Variants in KCNMB2 observed in about 807,000 individuals in gnomAD.
KCNMB2 encodes calcium-activated potassium channel subunit beta-2.
In KCNMB2, 9 loss-of-function variants were observed where a neutral mutation model predicts 24.5. The ratio of observed to expected loss-of-function variants is 0.37; its 90% CI spans 0.22 to 0.64. The LOEUF (loss-of-function observed/expected upper bound fraction) is 0.64, where lower values mean the gene tolerates loss of function less well. Among genes scored for constraint, KCNMB2 ranks in the 30% least tolerant of loss-of-function variants. KCNMB2 has a pLI of 0.63. For synonymous variants in KCNMB2, 109 were observed against 104.4 expected (o/e 1.04, Z -0.27); for missense variants, 226 against 284.3 (o/e 0.79, Z 1.47).
At chr3:178,714,993 C>T (rs1044218642) in intron 1 of KCNMB2, among the ~76,000 whole-genome samples, 1 of 151,944 alleles carries the variant, frequency 6.6e-6, no homozygotes, top group Non-Finnish European at 1.5e-5. Context: ...TTTTATAGCA[C>T]TGAAAAGAAA....
At chr3:178,766,087 T>C (rs534465175) in intron 1 of KCNMB2, among the ~76,000 whole-genome samples, 1 of 152,274 alleles carries the variant, frequency 6.6e-6, no homozygotes, top group Non-Finnish European at 1.5e-5. Context: ...CCAAGTCTCA[T>C]TGAACAAAAA....
intron 1 of KCNMB2, among the ~76,000 whole-genome samples, chr3:178,613,876 A>G (rs577607810): frequency 6.4e-4 from 97 of 151,766 alleles, no homozygotes; most frequent in African/African-American, 2.2e-3. Flanking sequence ...TAGGTTTGGG[A>G]TGTTCTCTGT....
rs1271997563 is a variant in KCNMB2 at position 178,614,317 on chromosome 3, G to GTA, written c.-68+77616_-68+77617dup. Among the ~76,000 whole-genome samples the GTA allele has an allele frequency of 1.9e-3, 194 of 99,690 alleles. 1 individual carries two copies. The highest frequency in any genetic ancestry group is 5.3e-3 in the African/African-American group (147 of 27,562). The allele number at this position is 99,690 out of a possible 152,430, so 65.4% of individuals were successfully genotyped here. A position where few individuals can be genotyped will look rare whatever the true frequency, so the allele number is the denominator to read the frequency against. Reference sequence around the variant, plus strand: ...TATATGTATGTATATATATGTATGTGTATATATATATGTATGTATATATAT... The same window carrying GTA: ...TATATGTATGTATATATATGTATGTGTATATATATATATGTATGTATATATAT... On this transcript the variant is annotated intron_variant, in intron 1 of 4. Transcript: ENST00000452583.
At chr3:178,589,407 G>GC (rs778093841) in intron 1 of KCNMB2, among the ~76,000 whole-genome samples, 2 of 152,160 alleles carry the variant, frequency 1.3e-5, no homozygotes, top group African/African-American at 2.4e-5. Flanking sequence ...GAAATAACCA[G>GC]CAGATCACAG....
intron 2 of KCNMB2, among the ~76,000 whole-genome samples, chr3:178,808,148 A>G (rs775557172): frequency 9.2e-5 from 14 of 152,134 alleles, no homozygotes; most frequent in Admixed American, 3.9e-4. Context: ...ATAAAGGGCA[A>G]AGGCAGCATT....
chr3:178,605,142 C>T (rs1350446392), intron 1 of KCNMB2, among the ~76,000 whole-genome samples: 1 of 152,130 alleles, frequency 6.6e-6, no homozygotes, highest in Non-Finnish European at 1.5e-5. Flanking sequence ...TATTAGGAAG[C>T]AAGACCTTTG....
At chr3:178,568,831 TGATA>T (rs71810920) in intron 1 of KCNMB2, among the ~76,000 whole-genome samples, 40,115 of 115,268 alleles carry the variant, frequency 0.35, 6,438 homozygotes, top group Middle Eastern at 0.44. Context: ...GATAGATAGA[TGATA>T]GATAGATAGA....
At position 178,805,459 on chromosome 3, in the gene KCNMB2, A is replaced by G. The variant is rs1273086368; in HGVS notation, c.-67-1884A>G. On this transcript the variant is annotated intron_variant, in intron 1 of 4. Coordinates refer to ENST00000452583, the MANE Select transcript of KCNMB2 (RefSeq NM_181361.3). ...AGGTCACACAGCTAGTTAGTGACAA[A>G]ACAGGGCCTATAACCAATCACTTAT... is the stretch of plus-strand genomic sequence containing the variant. 3.9e-5 allele frequency among the ~76,000 whole-genome samples: 6 copies of G among 152,294 alleles called. No individual in the cohort carries two copies. In the East Asian group the frequency reaches 1.2e-3, roughly 29 times the overall value.
chr3:178,730,224 G>A (rs964598763), intron 1 of KCNMB2, among the ~76,000 whole-genome samples: 2 of 152,104 alleles, frequency 1.3e-5, no homozygotes, highest in Non-Finnish European at 2.9e-5. Context: ...TGTGCTTTGA[G>A]GTGGCCCTAT....
At chr3:178,798,948 T>C (rs1299525463) in intron 1 of KCNMB2, among the ~76,000 whole-genome samples, 1 of 149,456 alleles carries the variant, frequency 6.7e-6, no homozygotes, top group Non-Finnish European at 1.5e-5. Flanking sequence ...GACTCAAAAA[T>C]AAAGCACTTA....
chr3:178,621,238 T>C (rs1718910685), intron 1 of KCNMB2, among the ~76,000 whole-genome samples: 1 of 152,096 alleles, frequency 6.6e-6, no homozygotes, highest in Non-Finnish European at 1.5e-5. Context: ...GGAAAGTTCC[T>C]CTTCTGCCTC....
chr3:178,836,556 A>G (rs1715238072), intron 4 of KCNMB2, among the ~76,000 whole-genome samples: 1 of 152,148 alleles, frequency 6.6e-6, no homozygotes, highest in South Asian at 2.1e-4. Flanking sequence ...TTATTAACAA[A>G]ACTCAGTATT....
intron 1 of KCNMB2, among the ~76,000 whole-genome samples, chr3:178,581,268 A>G (rs1717193364): frequency 1.3e-5 from 2 of 152,234 alleles, no homozygotes; most frequent in Non-Finnish European, 2.9e-5. Flanking sequence ...CTATGGGGAA[A>G]AGATTCCCTA....
chr3:178,775,082 G>T (rs530974363), intron 1 of KCNMB2, among the ~76,000 whole-genome samples: 2 of 152,142 alleles, frequency 1.3e-5, no homozygotes, highest in African/African-American at 4.8e-5. Context: ...TTCCAGAAAT[G>T]CATCTAAAGT....
intron 1 of KCNMB2, among the ~76,000 whole-genome samples, chr3:178,630,666 A>G (rs1719287469): frequency 6.6e-6 from 1 of 152,230 alleles, no homozygotes; most frequent in Non-Finnish European, 1.5e-5. Context: ...TGAGAGGGCA[A>G]CAGATACCAT....
chr3:178,732,959 A>T (rs1723200354), intron 1 of KCNMB2, among the ~76,000 whole-genome samples: 1 of 152,206 alleles, frequency 6.6e-6, no homozygotes, highest in Non-Finnish European at 1.5e-5. Flanking sequence ...GATGAGGAGC[A>T]GTGATGGGGG....
chr3:178,761,205 T>C lies in KCNMB2; in HGVS notation c.-67-46138T>C, dbSNP rs138518965. Among the ~76,000 whole-genome samples the C allele has an allele frequency of 5.0e-3, 756 of 152,252 alleles. 5 individuals carry two copies. In the Middle Eastern group the frequency reaches 0.068, roughly 14 times the overall value. The stretch of plus-strand genomic sequence containing the variant: ...AGACAAAGAGGCTAGAAATGAATCA[T>C]AGTGAGTGACATGCTCTGATTCTCA... On this transcript the variant is annotated intron_variant, in intron 1 of 4. Transcript: ENST00000452583.
intron 1 of KCNMB2, among the ~76,000 whole-genome samples, chr3:178,706,127 A>T (rs1012633451): frequency 6.6e-6 from 1 of 152,056 alleles, no homozygotes; most frequent in African/African-American, 2.4e-5. Context: ...GACAACCCAC[A>T]TTTCCTGCCT....
chr3:178,609,077 A>G (rs184072763), intron 1 of KCNMB2, among the ~76,000 whole-genome samples: 8 of 152,294 alleles, frequency 5.3e-5, no homozygotes, highest in South Asian at 2.1e-4. Context: ...ATTGTTCCCC[A>G]TACTGTTTTT....
Sources: gnomAD v4.1 joint callset for allele counts (sites outside exome capture counted in the v4.1 genomes callset) on GRCh38, gnomAD v4.1.1 for gene constraint, MANE v1.5 for transcripts, NCBI Gene and HGNC (gene_info 2026-07-23, HGNC 2026-07-21) for gene names.